Variants in MPDZ observed in about 807,000 individuals in gnomAD.
MPDZ encodes multiple PDZ domain protein.
Under a neutral mutation model 239.1 loss-of-function variants are expected in MPDZ, and 234 were observed. The observed-to-expected ratio is 0.98, with a 90% CI of 0.88 to 1.09. MPDZ has a LOEUF of 1.09. Ranked by LOEUF, MPDZ falls within the 50% of genes least tolerant of loss-of-function variation. The probability of loss-of-function intolerance (pLI) is 0.00; values close to 1 mark genes in which losing one functional copy is unlikely to be tolerated. For synonymous variants in MPDZ, 1,048 were observed against 881.3 expected (o/e 1.19, Z -3.35); for missense variants, 3,175 against 2,510.0 (o/e 1.26, Z -5.66).
At position 13,159,969 on chromosome 9, in the gene MPDZ, T is replaced by C. The variant is rs187410346; in HGVS notation, c.3360-1859A>G. Among the ~76,000 whole-genome samples, 571 of 152,288 alleles carry C rather than the reference T, an allele frequency of 3.7e-3. 2 individuals carry two copies. Among genetic ancestry groups the C allele is most frequent in the African/African-American group, 0.013 (531 of 41,572 alleles). On this transcript the variant is annotated intron_variant, in intron 23 of 46. Transcript: ENST00000319217. ...CCACTGAATACCAACAAAAATGTTA[T>C]CAACTATAATAAGTAGATCTCTTTA...
chr9:13,155,145 G>A (rs990337368), intron 24 of MPDZ, among the ~76,000 whole-genome samples: 9 of 150,092 alleles, frequency 6.0e-5, no homozygotes, highest in Non-Finnish European at 1.2e-4. Flanking sequence ...TCTAACCTGG[G>A]AGGCAGAGGT....
rs191903220 is a variant in MPDZ at position 13,108,065 on chromosome 9, C to A, written c.6066+871G>T. Among the ~76,000 whole-genome samples the A allele has an allele frequency of 2.2e-3, 341 of 152,134 alleles. 1 individual carries two copies. The highest frequency in any genetic ancestry group is 5.3e-3 in the African/African-American group (220 of 41,528). On this transcript the variant is annotated intron_variant, in intron 46 of 46. Transcript: ENST00000319217. ...ACTTTAAATTGGCTAAAAAAAAGATCTTTTCCAAAATAATAAAATAAAATA... is the reference window on the plus strand; with the variant it reads ...ACTTTAAATTGGCTAAAAAAAAGATATTTTCCAAAATAATAAAATAAAATA...
chr9:13,198,816 G>C (rs1385206165), intron 12 of MPDZ, among the ~76,000 whole-genome samples: 1 of 144,354 alleles, frequency 6.9e-6, no homozygotes, highest in Admixed American at 7.3e-5. Flanking sequence ...ATATTTTGAA[G>C]TCTGTTGGTG....
At chr9:13,120,253 A>C (rs572403252) in intron 38 of MPDZ, 2 of 150,078 alleles carry the variant, frequency 1.3e-5, no homozygotes, top group African/African-American at 5.0e-5. Context: ...CAAAACTATA[A>C]AAAAAAAACC....
rs1953390918 is a variant in MPDZ at position 13,181,914 on chromosome 9, C to G, written c.2649+1504G>C. On this transcript the variant is annotated intron_variant, in intron 19 of 46. Coordinates refer to ENST00000319217, the MANE Select transcript of MPDZ (RefSeq NM_001378778.1). ...AGTAAAGACTGAACACATTCCAGAA[C>G]ACATTCCAGACAGGACACAGCCAGA... is the stretch of plus-strand genomic sequence containing the variant. Among the ~76,000 whole-genome samples, 4 of 152,118 alleles carry G rather than the reference C, an allele frequency of 2.6e-5. No individual in the cohort carries two copies. The South Asian group carries it at 8.3e-4, about 31-fold the overall frequency.
chr9:13,196,837 A>T (rs1338498586), intron 12 of MPDZ, among the ~76,000 whole-genome samples: 1 of 152,014 alleles, frequency 6.6e-6, no homozygotes, highest in Non-Finnish European at 1.5e-5. Context: ...TGAATTTAAA[A>T]TGCTTACCTA....
chr9:13,138,180 A>G, intron 28 of MPDZ, 27 bp from the exon 29 acceptor site: 2 of 1,514,830 alleles, frequency 1.3e-6, no homozygotes, highest in Non-Finnish European at 1.8e-6. Context: ...CAACAAATAC[A>G]TATTTACAGT....
At chr9:13,246,047 C>A (rs1331697196) in intron 3 of MPDZ, among the ~76,000 whole-genome samples, 2 of 8,558 alleles carry the variant, frequency 2.3e-4, no homozygotes, top group Admixed American at 2.0e-3. Context: ...ATCTGTTCAA[C>A]TTCTTTACAC....
At chr9:13,205,780 T>C (rs1956917600) in intron 11 of MPDZ, 136 bp downstream of exon 11, 2 of 760,434 alleles carry the variant, frequency 2.6e-6, no homozygotes, top group East Asian at 5.7e-5. Context: ...TCGCCTTGGT[T>C]TATAATGAAT....
At chr9:13,175,400 A>C (rs1952334283) in intron 21 of MPDZ, among the ~76,000 whole-genome samples, 1 of 152,140 alleles carries the variant, frequency 6.6e-6, no homozygotes, top group South Asian at 2.1e-4. Context: ...GTAACTAATA[A>C]TTTACTTTTC....
At chr9:13,279,251 A>ACCCCCCCCCCCACCCCCG (rs1975036099) in intron 1 of MPDZ, 149 bp downstream of exon 1, 1 of 34,994 alleles carries the variant, frequency 2.9e-5, no homozygotes, top group African/African-American at 1.4e-4. Context: ...CGCCACCCCT[A>ACCCCCCCCCCCACCCCCG]CCCCCACCCC....
chr9:13,195,809 T>C (rs1271060428), intron 13 of MPDZ, among the ~76,000 whole-genome samples: 2 of 152,196 alleles, frequency 1.3e-5, no homozygotes, highest in Non-Finnish European at 2.9e-5. Flanking sequence ...ATTCTTTCTA[T>C]AAATCATAGG....
At chr9:13,266,651 G>A (rs1463269169) in intron 1 of MPDZ, among the ~76,000 whole-genome samples, 5 of 152,094 alleles carry the variant, frequency 3.3e-5, no homozygotes, top group African/African-American at 4.8e-5. Flanking sequence ...ATTCAGTAGA[G>A]AGTCAAAGAA....
intron 1 of MPDZ, among the ~76,000 whole-genome samples, chr9:13,268,804 G>C (rs1972350258): frequency 6.6e-6 from 1 of 152,232 alleles, no homozygotes; most frequent in African/African-American, 2.4e-5. Context: ...AATGACAGGA[G>C]CTAGGAAGGT....
intron 29 of MPDZ, 50 bp downstream of exon 29, chr9:13,137,907 A>G (rs370086731): frequency 6.4e-7 from 1 of 1,569,020 alleles, no homozygotes; most frequent in Non-Finnish European, 8.7e-7. Flanking sequence ...TGACAGTTCC[A>G]TTACCCTTAT....
intron 26 of MPDZ, among the ~76,000 whole-genome samples, chr9:13,146,678 G>T (rs1948477364): frequency 6.6e-6 from 1 of 151,880 alleles, no homozygotes; most frequent in Non-Finnish European, 1.5e-5. Flanking sequence ...TTTTTGAATG[G>T]ATGTGTATGT....
At chr9:13,253,582 C>G (rs1391685102) in intron 1 of MPDZ, among the ~76,000 whole-genome samples, 2 of 151,998 alleles carry the variant, frequency 1.3e-5, no homozygotes, top group East Asian at 3.9e-4. Flanking sequence ...CCTTTTTGCC[C>G]ATCTAAACAC....
chr9:13,264,921 G>A (rs1971481711), intron 1 of MPDZ, among the ~76,000 whole-genome samples: 3 of 152,168 alleles, frequency 2.0e-5, no homozygotes, highest in Admixed American at 2.0e-4. Context: ...TTGTTGGGCA[G>A]ATTGCCCCTA....
intron 1 of MPDZ, among the ~76,000 whole-genome samples, chr9:13,263,717 C>T (rs576585099): frequency 1.3e-4 from 20 of 152,222 alleles, no homozygotes; most frequent in African/African-American, 4.8e-4. Context: ...CATCAGAGAG[C>T]AGGAGGGCAG....
Sources: allele counts gnomAD v4.1 joint callset (sites outside exome capture counted in the v4.1 genomes callset), GRCh38; gene constraint gnomAD v4.1.1; transcripts MANE v1.5; gene names NCBI Gene and HGNC (gene_info 2026-07-23, HGNC 2026-07-21).